AOX1: variants seen among roughly 807,000 people sequenced by gnomAD.
AOX1 encodes aldehyde oxidase.
In AOX1, 153 loss-of-function variants were observed where a neutral mutation model predicts 169.5. The observed-to-expected ratio is 0.90, with a 90% CI of 0.79 to 1.03. The LOEUF (loss-of-function observed/expected upper bound fraction) is 1.03, where lower values mean the gene tolerates loss of function less well. AOX1 is among the 50% of genes least tolerant of loss of function. AOX1 has a pLI of 0.00. For missense variants in AOX1, 1,656 were observed against 1,663.9 expected, an observed-to-expected ratio of 1.00 and a Z score of 0.08; for synonymous variants, 562 against 581.9, an observed-to-expected ratio of 0.97 and a Z score of 0.49.
At chr2:200,664,476 A>G (rs929952905) in intron 31 of AOX1, among the ~76,000 whole-genome samples, 3 of 152,168 alleles carry the variant, frequency 2.0e-5, no homozygotes, top group Non-Finnish European at 4.4e-5. Flanking sequence ...GTTGGTGAAA[A>G]CTTAGTCATG....
At position 200,613,087 on chromosome 2, in the gene AOX1, A is replaced by G. The variant is rs190314156; in HGVS notation, c.1448+294A>G. 2.6e-4 allele frequency among the ~76,000 whole-genome samples: 39 copies of G among 151,886 alleles called. No homozygotes were observed. The East Asian group carries it at 6.8e-3, about 26-fold the overall frequency. On this transcript the variant is annotated intron_variant, in intron 14 of 34. Coordinates refer to ENST00000374700, the MANE Select transcript of AOX1 (RefSeq NM_001159.4). ...CCCTCCCTCAACAGTGCAAATTTGT[A>G]TTCTTTATTTTGGGAGAATAATTTG...
chr2:200,650,526 A>T (rs1166596494), intron 25 of AOX1, among the ~76,000 whole-genome samples: 2 of 152,208 alleles, frequency 1.3e-5, no homozygotes, highest in Non-Finnish European at 2.9e-5. Flanking sequence ...TTTGTTCTTC[A>T]TCCTAGATAT....
chr2:200,627,789 C>T (rs1361933195), intron 20 of AOX1, among the ~76,000 whole-genome samples: 1 of 152,136 alleles, frequency 6.6e-6, no homozygotes, highest in Non-Finnish European at 1.5e-5. Flanking sequence ...AAAATGGAGG[C>T]TCAGCGTAAT....
intron 2 of AOX1, among the ~76,000 whole-genome samples, chr2:200,594,988 C>T (rs1527948): frequency 0.75 from 113,664 of 152,140 alleles, 42,604 homozygotes; most frequent in East Asian, 0.81. Context: ...AGTGCTTACA[C>T]ATATAGACTC....
At chr2:200,618,852 G>A (rs2034822495) in intron 16 of AOX1, among the ~76,000 whole-genome samples, 1 of 152,310 alleles carries the variant, frequency 6.6e-6, no homozygotes, top group East Asian at 1.9e-4. Context: ...AGAAAGGAAA[G>A]CAAAACATCT....
intron 25 of AOX1, among the ~76,000 whole-genome samples, chr2:200,648,011 T>A (rs1307508444): frequency 6.6e-6 from 1 of 152,218 alleles, no homozygotes; most frequent in Non-Finnish European, 1.5e-5. Context: ...TTTTTAAAAT[T>A]TCTTTGAATT....
In AOX1 at chr2:200,604,715, C is replaced by T. The variant is rs752078493; in HGVS notation, c.689C>T (p.Ser230Leu). The T allele has an allele frequency of 2.7e-5, 44 of 1,613,884 alleles. No homozygotes were observed. The highest frequency in any genetic ancestry group is 6.7e-5 in the Admixed American group (4 of 59,988). ...CAATAGATAATGGCTGAGAAACAGT[C>T]GCAAAGGACCAGGGTGTTTGGCAGT... ...PELMIMAEKQ[S>L]QRTRVFGSER... Residue 230 changes from serine to leucine, a missense_variant, in exon 9 of 35, where the codon TCG becomes TTG. Ser to Leu is a moderately radical substitution (Grantham distance 145). Transcript: ENST00000374700.
chr2:200,603,922 T>G (rs935525646), intron 7 of AOX1, 95 bp from the exon 8 acceptor site: 19 of 829,252 alleles, frequency 2.3e-5, no homozygotes, highest in Non-Finnish European at 3.4e-5. Flanking sequence ...GTCGGTTTGC[T>G]GTATCTGACT....
chr2:200,649,402 A>T (rs1017179872), intron 25 of AOX1, among the ~76,000 whole-genome samples: 2 of 152,102 alleles, frequency 1.3e-5, no homozygotes, highest in Non-Finnish European at 2.9e-5. Context: ...TGTGTCTGGG[A>T]GAGGAGGATC....
intron 27 of AOX1, among the ~76,000 whole-genome samples, chr2:200,658,640 C>T (rs1240009271): frequency 1.3e-5 from 2 of 152,216 alleles, no homozygotes; most frequent in East Asian, 3.8e-4. Flanking sequence ...AATAAAGCAG[C>T]CAGCTAAGTC....
Position 200,659,846 on chromosome 2 carries a change from C to G in AOX1, c.3301-149C>G, listed in dbSNP as rs1342022300. The G allele has an allele frequency of 5.0e-6, 3 of 597,822 alleles. No homozygotes were observed. In the East Asian group the frequency reaches 8.9e-5, roughly 18 times the overall value. The allele number at this position is 597,822 out of a possible 1,614,324, so 37.0% of individuals were successfully genotyped here. A position where few individuals can be genotyped will look rare whatever the true frequency, so the allele number is the denominator to read the frequency against. ...CACACGTGCACACACTCATATGAAA[C>G]CTTTCATATCACCTTCATACAGGGT... is the stretch of plus-strand genomic sequence containing the variant. On this transcript the variant is annotated intron_variant, in intron 28 of 34. Transcript: ENST00000374700.
At chr2:200,606,153 A>G (rs777855529) in intron 10 of AOX1, among the ~76,000 whole-genome samples, 3 of 152,152 alleles carry the variant, frequency 2.0e-5, no homozygotes, top group Non-Finnish European at 4.4e-5. Context: ...TCTTGAGTTA[A>G]TTTTTGTATA....
intron 19 of AOX1, among the ~76,000 whole-genome samples, chr2:200,626,016 GA>G (rs2034994653): frequency 6.6e-6 from 1 of 152,166 alleles, no homozygotes; most frequent in Non-Finnish European, 1.5e-5. Context: ...AATCTGTCCT[GA>G]ATAATAATCA....
chr2:200,604,155 G>A lies in AOX1; in HGVS notation c.669+58G>A, dbSNP rs962625631. On this transcript the variant is annotated intron_variant, in intron 8 of 34. Transcript: ENST00000374700. Reference sequence around the variant, plus strand: ...GAATTCATGGTGAAATATCAGGAAGGGTATTTGTTTATGGGTTCTCTCAAA... The same window carrying A: ...GAATTCATGGTGAAATATCAGGAAGAGTATTTGTTTATGGGTTCTCTCAAA... 9 of 1,329,616 alleles carry A rather than the reference G, an allele frequency of 6.8e-6. No individual in the cohort carries two copies. In the Admixed American group the frequency reaches 1.4e-4, roughly 20 times the overall value. The allele number at this position is 1,329,616 out of a possible 1,614,324, so 82.4% of individuals were successfully genotyped here.
chr2:200,649,003 G>A (rs891191872), intron 25 of AOX1, among the ~76,000 whole-genome samples: 2 of 152,062 alleles, frequency 1.3e-5, no homozygotes, highest in African/African-American at 4.8e-5. Flanking sequence ...AACTTGCCCT[G>A]TGCTGCACCC....
At chr2:200,604,932 T>C (rs2034485375) in intron 9 of AOX1, 92 bp downstream of exon 9, 1 of 1,182,872 alleles carries the variant, frequency 8.5e-7, no homozygotes, top group Non-Finnish European at 1.2e-6. Context: ...CATATACATG[T>C]GTTCTCAGGA....
At position 200,670,911 on chromosome 2, in the gene AOX1, C is replaced by G. The variant is rs1183485089; in HGVS notation, c.*232C>G. The G allele has an allele frequency of 1.1e-5, 5 of 458,842 alleles. No homozygotes were observed. The highest frequency in any genetic ancestry group is 7.7e-6 in the Non-Finnish European group (2 of 258,798). 28.4% of individuals were successfully genotyped at this position (458,842 alleles called of 1,614,324 possible). On this transcript the variant is annotated 3_prime_UTR_variant, in exon 35 of 35. Transcript: ENST00000374700. Reference sequence around the variant, plus strand: ...TGTTATAAACACTAATTGGTTTCCTCTAGGGTGATATCCGTCATTACTCTG... The same window carrying G: ...TGTTATAAACACTAATTGGTTTCCTGTAGGGTGATATCCGTCATTACTCTG...
intron 16 of AOX1, among the ~76,000 whole-genome samples, chr2:200,617,801 G>A (rs975258880): frequency 4.6e-5 from 7 of 152,214 alleles, no homozygotes; most frequent in Admixed American, 3.9e-4. Flanking sequence ...CTCAAATGTG[G>A]TTCAGGTTGA....
intron 25 of AOX1, among the ~76,000 whole-genome samples, chr2:200,646,424 T>C (rs1466012830): frequency 6.6e-6 from 1 of 152,184 alleles, no homozygotes; most frequent in Non-Finnish European, 1.5e-5. Context: ...TCTGAGAGAG[T>C]GCTTGATATA....
Sources: gnomAD v4.1 joint callset for allele counts (sites outside exome capture counted in the v4.1 genomes callset) on GRCh38, gnomAD v4.1.1 for gene constraint, MANE v1.5 for transcripts, NCBI Gene and HGNC (gene_info 2026-07-23, HGNC 2026-07-21) for gene names.